DTHD1: variants seen among roughly 807,000 people sequenced by gnomAD.
The protein encoded by DTHD1 is death domain containing 1.
In DTHD1, 59 loss-of-function variants were observed where a neutral mutation model predicts 74.8. The ratio of observed to expected loss-of-function variants is 0.79; its 90% confidence interval spans 0.64 to 0.98. The LOEUF (loss-of-function observed/expected upper bound fraction) is 0.98. Ranked by LOEUF, DTHD1 falls within the 50% of genes least tolerant of loss-of-function variation. The pLI, the probability that DTHD1 is intolerant of heterozygous loss-of-function variation, is 0.00. For missense variants in DTHD1, 1,051 were observed against 1,065.4 expected, an observed-to-expected ratio of 0.99 and a Z score of 0.19; for synonymous variants, 365 against 371.1, an observed-to-expected ratio of 0.98 and a Z score of 0.19.
intron 8 of DTHD1, among the ~76,000 whole-genome samples, chr4:36,321,596 AT>A (rs1758040972): frequency 6.6e-6 from 1 of 152,166 alleles, no homozygotes; most frequent in African/African-American, 2.4e-5. Context: ...TTCATTATAT[AT>A]TACAATATAA....
At chr4:36,284,632 T>A (rs994074170) in intron 2 of DTHD1, 41 bp downstream of exon 2, 3 of 1,382,480 alleles carry the variant, frequency 2.2e-6, no homozygotes, top group Non-Finnish European at 2.9e-6. Flanking sequence ...GTATGCCTAC[T>A]TATATGTGTG....
At chr4:36,283,829 T>A (rs1755536188) in intron 1 of DTHD1, 147 bp from the exon 2 acceptor site, 2 of 615,558 alleles carry the variant, frequency 3.2e-6, no homozygotes, top group Admixed American at 3.1e-5. Context: ...CAATTACTTC[T>A]CCTTCAGGAG....
chr4:36,341,605 T>C (rs1366025927), intron 9 of DTHD1, among the ~76,000 whole-genome samples: 1 of 152,186 alleles, frequency 6.6e-6, no homozygotes, highest in African/African-American at 2.4e-5. Flanking sequence ...TCAAATGGTA[T>C]AAAATAATTT....
chr4:36,293,829 T>C lies in DTHD1; in HGVS notation c.1398+124T>C, dbSNP rs966680400. The C allele has an allele frequency of 8.4e-5, 64 of 763,464 alleles. 1 individual carries two copies. The highest frequency in any genetic ancestry group is 4.9e-4 in the Admixed American group (14 of 28,414). The allele number at this position is 763,464 out of a possible 1,614,324, so 47.3% of individuals were successfully genotyped here. Reference sequence around the variant, plus strand: ...AAAAAATGGATTATTTTCTTGTAGTTGTAACGGCCTAATATATAGTGATAT... The same window carrying C: ...AAAAAATGGATTATTTTCTTGTAGTCGTAACGGCCTAATATATAGTGATAT... On this transcript the variant is annotated intron_variant, in intron 4 of 9. Transcript: ENST00000639862.
intron 1 of DTHD1, among the ~76,000 whole-genome samples, chr4:36,283,391 T>C (rs979426656): frequency 6.6e-6 from 1 of 152,216 alleles, no homozygotes; most frequent in Non-Finnish European, 1.5e-5. Flanking sequence ...GAAGGACTAA[T>C]TTGAAAATTT....
intron 8 of DTHD1, among the ~76,000 whole-genome samples, chr4:36,324,879 C>T (rs1481214850): frequency 1.3e-5 from 2 of 151,976 alleles, no homozygotes; most frequent in African/African-American, 4.8e-5. Flanking sequence ...AGGGGGTGAA[C>T]GCTGTGGACT....
intron 7 of DTHD1, 84 bp downstream of exon 7, chr4:36,308,577 A>G: frequency 8.8e-7 from 1 of 1,132,034 alleles, no homozygotes. Context: ...TTGTGTTACT[A>G]AGGAAACCTT....
chr4:36,322,362 G>A (rs111867226), intron 8 of DTHD1, among the ~76,000 whole-genome samples: 1 of 152,200 alleles, frequency 6.6e-6, no homozygotes, highest in African/African-American at 2.4e-5. Context: ...AATGTGAGGA[G>A]GACAGTGAGA....
At chr4:36,337,167 AG>A (rs1371339399) in intron 8 of DTHD1, among the ~76,000 whole-genome samples, 1 of 152,088 alleles carries the variant, frequency 6.6e-6, no homozygotes, top group Admixed American at 6.6e-5. Flanking sequence ...CATGCAAAAA[AG>A]GCTTGGGGGC....
chr4:36,295,257 A>G (rs1321224757), intron 5 of DTHD1, among the ~76,000 whole-genome samples: 1 of 152,180 alleles, frequency 6.6e-6, no homozygotes, highest in African/African-American at 2.4e-5. Context: ...AGATGGAGAC[A>G]ATAAGAACTC....
intron 5 of DTHD1, among the ~76,000 whole-genome samples, chr4:36,299,849 T>A (rs1229990815): frequency 6.6e-6 from 1 of 152,144 alleles, no homozygotes; most frequent in Admixed American, 6.5e-5. Context: ...TTTTATTTCT[T>A]AAAGTTATAT....
chr4:36,334,701 G>A lies in DTHD1; in HGVS notation c.2341-4411G>A, dbSNP rs569364091. On this transcript the variant is annotated intron_variant, in intron 8 of 9. Transcript: ENST00000639862. ...CAGAAAATAGAAAACTAAACGCCTCGTGAGAGAGTGGTAGACAGGGTGTAA... is the reference window on the plus strand; with the variant it reads ...CAGAAAATAGAAAACTAAACGCCTCATGAGAGAGTGGTAGACAGGGTGTAA... Among the ~76,000 whole-genome samples, 23 of 152,298 alleles carry A rather than the reference G, an allele frequency of 1.5e-4. No homozygotes were observed. In the South Asian group the frequency reaches 4.4e-3, roughly 29 times the overall value.
At position 36,338,999 on chromosome 4, in the gene DTHD1, A is replaced by G. The variant is rs1045819924; in HGVS notation, c.2341-113A>G. 71 of 826,196 alleles carry G rather than the reference A, an allele frequency of 8.6e-5. No homozygotes were observed. In the African/African-American group the frequency reaches 1.1e-3, roughly 13 times the overall value. 51.2% of individuals were successfully genotyped at this position (826,196 alleles called of 1,614,324 possible). ...AATACAGTATTTAATTTTGCAAGGT[A>G]TGCAATTCAGTACTTCTTCGAAACA... On this transcript the variant is annotated intron_variant, in intron 8 of 9. Transcript: ENST00000639862.
chr4:36,324,070 T>A (rs1758194439), intron 8 of DTHD1, among the ~76,000 whole-genome samples: 1 of 152,156 alleles, frequency 6.6e-6, no homozygotes, highest in Non-Finnish European at 1.5e-5. Flanking sequence ...AGAAACAGGA[T>A]CCTGTGTTCT....
intron 8 of DTHD1, among the ~76,000 whole-genome samples, chr4:36,334,358 G>GTTTTTTTT (rs34455692): frequency 2.9e-5 from 4 of 138,908 alleles, no homozygotes; most frequent in Non-Finnish European, 6.2e-5. Context: ...ATTTTTTTTG[G>GTTTTTTTT]TTTTTTTTTT....
chr4:36,319,840 G>A (rs1014410541), intron 8 of DTHD1, among the ~76,000 whole-genome samples: 5 of 152,176 alleles, frequency 3.3e-5, no homozygotes, highest in Admixed American at 2.0e-4. Flanking sequence ...GTACTTTTGC[G>A]TCAGCTTCTT....
chr4:36,298,257 CAAT>C (rs1756562700), intron 5 of DTHD1, among the ~76,000 whole-genome samples: 1 of 152,030 alleles, frequency 6.6e-6, no homozygotes, highest in Non-Finnish European at 1.5e-5. Context: ...ACTACTGTAG[CAAT>C]AATATATATT....
At chr4:36,338,626 G>T (rs753927499) in intron 8 of DTHD1, among the ~76,000 whole-genome samples, 42 of 151,530 alleles carry the variant, frequency 2.8e-4, no homozygotes, top group Non-Finnish European at 5.6e-4. Flanking sequence ...GAAAGCTAGT[G>T]AAATAAATAT....
intron 5 of DTHD1, among the ~76,000 whole-genome samples, chr4:36,299,807 ATTAT>A (rs1443975139): frequency 2.0e-5 from 3 of 152,046 alleles, no homozygotes; most frequent in African/African-American, 7.2e-5. Context: ...CTTTTAATCT[ATTAT>A]TTGAGTTTTG....
Sources: gnomAD v4.1 joint callset for allele counts (sites outside exome capture counted in the v4.1 genomes callset) on GRCh38, gnomAD v4.1.1 for gene constraint, MANE v1.5 for transcripts, NCBI Gene and HGNC (gene_info 2026-07-23, HGNC 2026-07-21) for gene names.